Variants in HIP1 observed in about 807,000 individuals in gnomAD.
HIP1 encodes the protein huntingtin interacting protein 1.
HIP1 carries 65 observed loss-of-function variants against 147.6 expected under a neutral mutation model. The ratio of observed to expected loss-of-function variants is 0.44; its 90% CI spans 0.36 to 0.54. The LOEUF (loss-of-function observed/expected upper bound fraction) is 0.54. Among genes scored for constraint, HIP1 ranks in the 20% least tolerant of loss-of-function variants. HIP1 has a pLI of 0.00. For synonymous variants in HIP1, 479 were observed against 504.0 expected, an observed-to-expected ratio of 0.95 and a Z score of 0.67; for missense variants, 1,061 against 1,299.6, an observed-to-expected ratio of 0.82 and a Z score of 2.82.
chr7:75,537,285 G>A lies in HIP1; in HGVS notation c.*887C>T, dbSNP rs1250767935. ...GCTTTCCGCCGGGATTCAGCTTTAG[G>A]AGGGAAAGGCACTCACTCTCCTTCT... On this transcript the variant is annotated 3_prime_UTR_variant, in exon 31 of 31. Coordinates refer to ENST00000336926, the MANE Select transcript of HIP1 (RefSeq NM_005338.7). The A allele has an allele frequency of 4.3e-6, 1 of 233,100 alleles. No individual in the cohort carries two copies. The highest frequency in any genetic ancestry group is 8.5e-6 in the Non-Finnish European group (1 of 117,720). The allele number at this position is 233,100 out of a possible 1,614,324, so 14.4% of individuals were successfully genotyped here. A position where few individuals can be genotyped will look rare whatever the true frequency, so the allele number is the denominator to read the frequency against.
chr7:75,736,693 A>G (rs1554523723), intron 1 of HIP1, among the ~76,000 whole-genome samples: 1 of 152,172 alleles, frequency 6.6e-6, no homozygotes, highest in East Asian at 1.9e-4. Context: ...CCATGAAACC[A>G]GAGAACAAGC....
rs1214751667 is a variant in HIP1 at position 75,568,468 on chromosome 7, C to T, written c.746-212G>A. On this transcript the variant is annotated intron_variant, in intron 8 of 30. Transcript: ENST00000336926. The surrounding 1 kb of genome is among the most constrained non-coding windows in gnomAD (Gnocchi z 4.1). ...GTGTGGAGACGCTTATCCTCCAAATCCTTTCACTTCAATTAGTTCCTGAAG... is the reference window on the plus strand; with the variant it reads ...GTGTGGAGACGCTTATCCTCCAAATTCTTTCACTTCAATTAGTTCCTGAAG... Among the ~76,000 whole-genome samples the T allele has an allele frequency of 1.3e-5, 2 of 152,176 alleles. No individual in the cohort carries two copies. The highest frequency in any genetic ancestry group is 2.9e-5 in the Non-Finnish European group (2 of 68,038).
At chr7:75,645,279 T>A (rs1285995244) in intron 1 of HIP1, among the ~76,000 whole-genome samples, 1 of 152,138 alleles carries the variant, frequency 6.6e-6, no homozygotes, top group Non-Finnish European at 1.5e-5. Flanking sequence ...CAGGCTGGAG[T>A]GCAATGGTGC....
At chr7:75,654,957 T>C (rs1469099400) in intron 1 of HIP1, among the ~76,000 whole-genome samples, 1 of 152,054 alleles carries the variant, frequency 6.6e-6, no homozygotes, top group Admixed American at 6.6e-5. Context: ...CAAGACAGCC[T>C]GGATAACATA....
intron 1 of HIP1, among the ~76,000 whole-genome samples, chr7:75,727,217 T>C (rs1254537421): frequency 6.6e-6 from 1 of 152,100 alleles, no homozygotes; most frequent in African/African-American, 2.4e-5. Flanking sequence ...GTCCCTGGCA[T>C]CAGTCTCCTA....
At chr7:75,612,726 T>G (rs1223540666) in intron 1 of HIP1, among the ~76,000 whole-genome samples, 1 of 151,724 alleles carries the variant, frequency 6.6e-6, no homozygotes, top group Non-Finnish European at 1.5e-5. Flanking sequence ...GGAGAATCGC[T>G]TGAACCCAGG....
chr7:75,702,714 G>A (rs1800874589), intron 1 of HIP1, among the ~76,000 whole-genome samples: 1 of 152,116 alleles, frequency 6.6e-6, no homozygotes, highest in Admixed American at 6.6e-5. Context: ...TACAGAGAAG[G>A]AGGAAAGACA....
chr7:75,651,412 T>C (rs1554511929), intron 1 of HIP1, among the ~76,000 whole-genome samples: 2 of 136,338 alleles, frequency 1.5e-5, no homozygotes, highest in African/African-American at 2.9e-5. Flanking sequence ...TGAGCCAAGA[T>C]TGTGCCACTG....
chr7:75,618,182 C>T (rs1417996266), intron 1 of HIP1, among the ~76,000 whole-genome samples: 1 of 152,168 alleles, frequency 6.6e-6, no homozygotes, highest in African/African-American at 2.4e-5. Flanking sequence ...CACAGTTTCA[C>T]TGTCACCCAG....
chr7:75,669,803 T>C lies in HIP1; in HGVS notation c.120+68998A>G, dbSNP rs1450348945. Among the ~76,000 whole-genome samples, 4 of 152,148 alleles carry C rather than the reference T, an allele frequency of 2.6e-5. No homozygotes were observed. In the East Asian group the frequency reaches 7.7e-4, roughly 29 times the overall value. On this transcript the variant is annotated intron_variant, in intron 1 of 30. Coordinates refer to ENST00000336926, the MANE Select transcript of HIP1 (RefSeq NM_005338.7). The stretch of plus-strand genomic sequence containing the variant: ...GTAGCATGAATCAGCACTTCATTCC[T>C]TTATTTATTTATTTACGAGACAGAG...
In HIP1 at chr7:75,554,488, T is replaced by G. The variant is rs371016754; in HGVS notation, c.2002A>C (p.Ile668Leu). 6.2e-7 allele frequency: 1 copy of G among 1,613,968 alleles called. No homozygotes were observed. Among genetic ancestry groups the G allele is most frequent in the Non-Finnish European group, 8.5e-7 (1 of 1,179,934 alleles). Residue 668 changes from isoleucine to leucine, a missense_variant, in exon 20 of 31, where the codon ATC becomes CTC. Around this residue, in one of 3 missense-constraint regions of HIP1, gnomAD observed 810 missense variants for 946.8 expected, o/e 0.86. Coordinates refer to ENST00000336926, the MANE Select transcript of HIP1 (RefSeq NM_005338.7). ...CTCCAGCTTTTCTCCAGTTGCTCGATGCAGCTGGAAATGGATGTGACCGTG... is the reference window on the plus strand; with the variant it reads ...CTCCAGCTTTTCTCCAGTTGCTCGAGGCAGCTGGAAATGGATGTGACCGTG... The part of the protein sequence containing the change: ...LSTVTSISSC[I>L]EQLEKSWSQY...
At chr7:75,689,901 C>T (rs1236946644) in intron 1 of HIP1, among the ~76,000 whole-genome samples, 1 of 152,102 alleles carries the variant, frequency 6.6e-6, no homozygotes, top group East Asian at 1.9e-4. Flanking sequence ...CATCGTCATT[C>T]GTCACTAGGC....
At chr7:75,597,165 G>C (rs1796777669) in intron 2 of HIP1, among the ~76,000 whole-genome samples, 1 of 152,192 alleles carries the variant, frequency 6.6e-6, no homozygotes, top group Non-Finnish European at 1.5e-5. Flanking sequence ...TGGACTTCTG[G>C]GTTACCCCAG....
In HIP1 at chr7:75,539,304, A is replaced by T. The variant is rs782448855; in HGVS notation, c.3061+19T>A. On this transcript the variant is annotated intron_variant, in intron 30 of 30. Transcript: ENST00000336926. ...CCCTCCCTGCTGCGGGTTAGTGCCC[A>T]TCCTTGGAGTCAGCTTACCTTCTTC... 6.3e-7 allele frequency: 1 copy of T among 1,587,210 alleles called. No individual in the cohort carries two copies. Among genetic ancestry groups the T allele is most frequent in the Non-Finnish European group, 8.7e-7 (1 of 1,155,480 alleles).
At chr7:75,598,931 A>G (rs62478485) in intron 2 of HIP1, among the ~76,000 whole-genome samples, 24,656 of 152,162 alleles carry the variant, frequency 0.16, 2,255 homozygotes, top group Middle Eastern at 0.27. Flanking sequence ...TAAGTCCTTA[A>G]GGAAAGGAGC....
Position 75,562,923 on chromosome 7 carries a change from A to G in HIP1, c.1020+12T>C. ...GAGGAAAGGCCAAGTTTCTCTCCCAAGTGGTCCTCACCTGCTGAGAGGCAT... is the reference window on the plus strand; with the variant it reads ...GAGGAAAGGCCAAGTTTCTCTCCCAGGTGGTCCTCACCTGCTGAGAGGCAT... On this transcript the variant is annotated intron_variant, in intron 11 of 30. Coordinates refer to ENST00000336926, the MANE Select transcript of HIP1 (RefSeq NM_005338.7). The G allele has an allele frequency of 1.9e-6, 3 of 1,613,974 alleles. No homozygotes were observed. Among genetic ancestry groups the G allele is most frequent in the Non-Finnish European group, 2.5e-6 (3 of 1,179,904 alleles).
Position 75,664,019 on chromosome 7 carries a change from CATATATGTGTATATATATACACAT to C in HIP1, c.121-64796_121-64773del, listed in dbSNP as rs1584931780. ...ACACATATATGTGTATATATATACACATATATGTGTATATATATACACATATATGTGTATATACACATATATGTG... is the reference window on the plus strand; with the variant it reads ...ACACATATATGTGTATATATATACACATATGTGTATATACACATATATGTG... On this transcript the variant is annotated intron_variant, in intron 1 of 30. Transcript: ENST00000336926. Among the ~76,000 whole-genome samples, 9 of 23,248 alleles carry C rather than the reference CATATATGTGTATATATATACACAT, an allele frequency of 3.9e-4. 4 individuals are homozygous for C. In the East Asian group the frequency reaches 7.0e-3, roughly 18 times the overall value. The allele number at this position is 23,248 out of a possible 152,430, so 15.3% of individuals were successfully genotyped here.
At chr7:75,618,945 C>T (rs1253063624) in intron 1 of HIP1, among the ~76,000 whole-genome samples, 1 of 152,094 alleles carries the variant, frequency 6.6e-6, no homozygotes, top group South Asian at 2.1e-4. Context: ...AGCCTCCCAC[C>T]TTGGCCTCCC....
intron 1 of HIP1, among the ~76,000 whole-genome samples, chr7:75,623,479 G>A (rs587644952): frequency 6.6e-6 from 1 of 152,310 alleles, no homozygotes; most frequent in East Asian, 1.9e-4. Context: ...GGCAGGCTGG[G>A]CCAGATCCCA....
Sources: allele counts gnomAD v4.1 joint callset (sites outside exome capture counted in the v4.1 genomes callset), GRCh38; gene constraint gnomAD v4.1.1; regional missense constraint gnomAD v4.1.1; non-coding constraint Gnocchi (gnomAD v3.1); transcripts MANE v1.5; gene names NCBI Gene and HGNC (gene_info 2026-07-23, HGNC 2026-07-21).